The following DNAH5 variants were observed in gnomAD, a reference collection of about 807,000 sequenced individuals.
The protein encoded by DNAH5 is dynein axonemal heavy chain 5.
DNAH5 carries 372 observed loss-of-function variants against 518.2 expected under a neutral mutation model. The ratio of observed to expected loss-of-function variants is 0.72; its 90% CI spans 0.66 to 0.78. The LOEUF is 0.78. Among genes scored for constraint, DNAH5 ranks in the 30% least tolerant of loss-of-function variants. The pLI, the probability that DNAH5 is intolerant of heterozygous loss-of-function variation, is 0.00. For missense variants in DNAH5, 5,523 were observed against 5,687.0 expected (o/e 0.97, Z 0.93); for synonymous variants, 2,039 against 2,025.9 (o/e 1.01, Z -0.17).
At chr5:13,937,614 C>A (rs1271001439) in intron 1 of DNAH5, among the ~76,000 whole-genome samples, 1 of 151,860 alleles carries the variant, frequency 6.6e-6, no homozygotes, top group African/African-American at 2.4e-5. Flanking sequence ...GGTCCTCATA[C>A]AATACCTTTG....
chr5:13,844,739 G>A, intron 32 of DNAH5, 98 bp downstream of exon 32: 1 of 1,502,894 alleles, frequency 6.7e-7, no homozygotes, highest in Non-Finnish European at 9.3e-7. Flanking sequence ...GAACAGGGAA[G>A]CAACCCTTGT....
intron 75 of DNAH5, among the ~76,000 whole-genome samples, chr5:13,711,282 A>G (rs1301724542): frequency 6.6e-6 from 1 of 152,242 alleles, no homozygotes; most frequent in Non-Finnish European, 1.5e-5. Flanking sequence ...GATCATCCCA[A>G]TAGATGCAGA....
intron 62 of DNAH5, among the ~76,000 whole-genome samples, chr5:13,753,821 T>A (rs191485556): frequency 6.6e-6 from 1 of 152,180 alleles, no homozygotes; most frequent in Admixed American, 6.5e-5. Flanking sequence ...ACCTCTAAGT[T>A]TAAGAGAATA....
chr5:13,705,018 G>A (rs1181645342), intron 76 of DNAH5, among the ~76,000 whole-genome samples: 1 of 150,818 alleles, frequency 6.6e-6, no homozygotes, highest in East Asian at 1.9e-4. Flanking sequence ...CTGAGAGGGA[G>A]TCTCGCTCTG....
chr5:13,864,667 T>C (rs757667182), intron 27 of DNAH5, 30 bp from the exon 28 acceptor site: 8 of 1,613,702 alleles, frequency 5.0e-6, no homozygotes, highest in South Asian at 2.2e-5. Flanking sequence ...TGAAAGGCCA[T>C]TGAAATATGA....
intron 1 of DNAH5, among the ~76,000 whole-genome samples, chr5:13,959,870 G>A (rs575323275): frequency 6.6e-4 from 100 of 152,302 alleles, no homozygotes; most frequent in African/African-American, 2.4e-3. Flanking sequence ...GGGAGGCTGA[G>A]GCAGGAGATT....
rs139124694 is a variant in DNAH5, at chr5:13,724,234, C to T, written c.12034-2989G>A. On this transcript the variant is annotated intron_variant, in intron 70 of 78. Coordinates refer to ENST00000265104, the MANE Select transcript of DNAH5 (RefSeq NM_001369.3). Reference sequence around the variant, plus strand: ...GAGCCCATCCCTTGCACCAGTGTGCCTTGGATGCAGGACACGGGGTCAAAG... The same window carrying T: ...GAGCCCATCCCTTGCACCAGTGTGCTTTGGATGCAGGACACGGGGTCAAAG... 4.3e-3 allele frequency among the ~76,000 whole-genome samples: 659 copies of T among 152,340 alleles called. 19 individuals are homozygous for T. Among genetic ancestry groups the T allele is most frequent in the Non-Finnish European group, 2.0e-3 (139 of 68,042 alleles).
intron 49 of DNAH5, among the ~76,000 whole-genome samples, chr5:13,793,202 GAGGAAACAACC>G (rs1757270741): frequency 6.6e-6 from 1 of 152,208 alleles, no homozygotes; most frequent in Non-Finnish European, 1.5e-5. Flanking sequence ...ATGTGCCCAT[GAGGAAACAACC>G]TCATGTATGG....
intron 52 of DNAH5, among the ~76,000 whole-genome samples, chr5:13,784,985 G>A (rs1000038807): frequency 1.8e-4 from 28 of 152,080 alleles, no homozygotes; most frequent in Non-Finnish European, 5.9e-5. Context: ...CGGATGGGAC[G>A]GGGCTGAGTG....
intron 1 of DNAH5, among the ~76,000 whole-genome samples, chr5:13,992,085 G>C (rs747201553): frequency 2.0e-5 from 3 of 152,244 alleles, no homozygotes; most frequent in Non-Finnish European, 4.4e-5. Context: ...CACAGGGAAT[G>C]AATCAAGGTT....
chr5:13,983,593 T>C (rs1004625311), intron 1 of DNAH5, among the ~76,000 whole-genome samples: 4 of 152,212 alleles, frequency 2.6e-5, no homozygotes, highest in African/African-American at 9.6e-5. Context: ...TGCATAGTTT[T>C]GACCTCTAGG....
In DNAH5 at chr5:13,891,037, G is replaced by A; in HGVS notation, c.2516C>T (p.Pro839Leu). 1.2e-6 allele frequency: 2 copies of A among 1,614,140 alleles called. No homozygotes were observed. Among genetic ancestry groups the A allele is most frequent in the Non-Finnish European group, 1.7e-6 (2 of 1,180,006 alleles). Reference sequence around the variant, plus strand: ...CTCCTCCTGGGGAAGCTGACAAAGAGGCGTGCTGCTCATTTCTTCTAGAAT... The same window carrying A: ...CTCCTCCTGGGGAAGCTGACAAAGAAGCGTGCTGCTCATTTCTTCTAGAAT... ...DAILEEMSSTPLCQLPQEEPL... is the reference protein window; with the variant it reads ...DAILEEMSSTLLCQLPQEEPL... Residue 839 changes from proline (P) to leucine (L), a missense_variant, in exon 17 of 79, where the codon CCT (proline) becomes CTT (leucine). By Grantham distance (98) the Pro-to-Leu change is moderately conservative (BLOSUM62 -3). Transcript: ENST00000265104.
At chr5:13,776,728 G>A in intron 54 of DNAH5, 22 bp from the exon 55 acceptor site, 1 of 1,612,700 alleles carries the variant, frequency 6.2e-7, no homozygotes, top group South Asian at 1.1e-5. Flanking sequence ...GTACAGGCAT[G>A]CAAATTCAGT....
rs780887847 is a variant in DNAH5 at position 13,769,118 on chromosome 5, T to C, written c.9739A>G (p.Met3247Val). ...KADMVLKEVTMKAQAAEKVKA... is the reference protein window; with the variant it reads ...KADMVLKEVTVKAQAAEKVKA... ...ACCTTTTCAGCAGCCTGTGCTTTCA[T>C]TGTCACTTCTTTTAAGACCTAATTC... The change falls in exon 58 of 79, where the codon ATG (methionine) becomes GTG (valine). Residue 3247 changes from methionine to valine, a missense_variant. Physicochemically the swap from Met to Val is conservative, Grantham distance 21 (BLOSUM62 1). Around this residue, in one of 3 missense-constraint regions of DNAH5, gnomAD observed 5,121 missense variants for 5,223.3 expected, o/e 0.98. Transcript: ENST00000265104. The C allele has an allele frequency of 6.8e-6, 11 of 1,614,208 alleles. No individual in the cohort carries two copies. The highest frequency in any genetic ancestry group is 5.5e-5 in the South Asian group (5 of 91,090).
At chr5:13,988,934 G>A (rs1039251630) in intron 1 of DNAH5, among the ~76,000 whole-genome samples, 3 of 150,986 alleles carry the variant, frequency 2.0e-5, no homozygotes, top group African/African-American at 4.9e-5. Context: ...CACCATGTTG[G>A]CCAGGCCTGG....
intron 23 of DNAH5, among the ~76,000 whole-genome samples, chr5:13,871,227 T>TA (rs1399774592): frequency 6.6e-6 from 1 of 152,210 alleles, no homozygotes; most frequent in Admixed American, 6.5e-5. Flanking sequence ...AATGTTTTTT[T>TA]AAAAAAGCAC....
chr5:13,861,416 A>G (rs899492648), intron 29 of DNAH5, among the ~76,000 whole-genome samples: 2 of 152,250 alleles, frequency 1.3e-5, no homozygotes, highest in Admixed American at 6.5e-5. Flanking sequence ...CATTAAAAGT[A>G]TTGATACACA....
At position 13,848,797 on chromosome 5, in the gene DNAH5, C is replaced by T. The variant is rs143577687; in HGVS notation, c.5114+1855G>A. On this transcript the variant is annotated intron_variant, in intron 31 of 78. Coordinates refer to ENST00000265104, the MANE Select transcript of DNAH5 (RefSeq NM_001369.3). The stretch of plus-strand genomic sequence containing the variant: ...AGGAGGCAGAGCTCAGGTGATATTG[C>T]GAGTGATGAGGAGCGGCTGTAAATA... 1.3e-3 allele frequency among the ~76,000 whole-genome samples: 191 copies of T among 152,278 alleles called. 1 individual carries two copies. The highest frequency in any genetic ancestry group is 2.4e-3 in the Non-Finnish European group (163 of 68,024).
rs144001451 is a variant in DNAH5 at position 13,780,840 on chromosome 5, G to A, written c.8940C>T (p.Ile2980=). Reference sequence around the variant, plus strand: ...TAAAAGGTTGTCACCTCGTCAGAGTGATCTGGAAGGAAACGTAGCCAGCAA... The same window carrying A: ...TAAAAGGTTGTCACCTCGTCAGAGTAATCTGGAAGGAAACGTAGCCAGCAA... ...SFIAGYVSFQ[I]TLTRSYNTSN... Residue 2980 remains isoleucine, a synonymous_variant, in exon 53 of 79, where the codon ATC becomes ATT. Transcript: ENST00000265104. 205 of 1,613,612 alleles carry A rather than the reference G, an allele frequency of 1.3e-4. No individual in the cohort carries two copies. The highest frequency in any genetic ancestry group is 8.3e-4 in the Middle Eastern group (5 of 6,054).
Sources: gnomAD v4.1 joint callset for allele counts (sites outside exome capture counted in the v4.1 genomes callset) on GRCh38, gnomAD v4.1.1 for gene constraint, gnomAD v4.1.1 regional missense constraint, MANE v1.5 for transcripts, NCBI Gene and HGNC (gene_info 2026-07-23, HGNC 2026-07-21) for gene names.